Variants in RAD51B observed in about 807,000 individuals in gnomAD.
The protein encoded by RAD51B is DNA repair protein RAD51 homolog 2.
A neutral mutation model predicts 42.2 loss-of-function variants in RAD51B; 38 were observed. The observed-to-expected ratio is 0.90, with a 90% confidence interval of 0.70 to 1.18. RAD51B has a LOEUF of 1.18. RAD51B is among the 50% of genes most tolerant of loss of function. RAD51B has a pLI of 0.00. For missense variants in RAD51B, 373 were observed against 400.7 expected (o/e 0.93, Z 0.59); for synonymous variants, 154 against 145.2 (o/e 1.06, Z -0.43).
chr14:68,225,739 T>G (rs539616148), intron 7 of RAD51B, among the ~76,000 whole-genome samples: 64 of 152,242 alleles, frequency 4.2e-4, no homozygotes, highest in Non-Finnish European at 8.5e-4. Flanking sequence ...AAAGAGCAAT[T>G]TAATCGCAAT....
intron 7 of RAD51B, among the ~76,000 whole-genome samples, chr14:67,921,571 A>T (rs1413569409): frequency 5.1e-3 from 82 of 16,048 alleles, no homozygotes; most frequent in African/African-American, 0.014. Context: ...TGCACATCAC[A>T]CACACACACA....
chr14:68,324,048 C>A (rs959486125), intron 8 of RAD51B, among the ~76,000 whole-genome samples: 16 of 152,204 alleles, frequency 1.1e-4, no homozygotes, highest in African/African-American at 3.9e-4. Context: ...TACCTCCAAT[C>A]TCTAAAAAGT....
At chr14:68,462,383 GT>G (rs2085867144) in intron 9 of RAD51B, among the ~76,000 whole-genome samples, 1 of 152,188 alleles carries the variant, frequency 6.6e-6, no homozygotes, top group South Asian at 2.1e-4. Context: ...ACCTACAACA[GT>G]GCCAAGCACA....
At chr14:68,127,380 A>G (rs1352203618) in intron 7 of RAD51B, among the ~76,000 whole-genome samples, 1 of 152,160 alleles carries the variant, frequency 6.6e-6, no homozygotes, top group Non-Finnish European at 1.5e-5. Context: ...TGTCTCTTCT[A>G]TTAGACTGCA....
intron 7 of RAD51B, among the ~76,000 whole-genome samples, chr14:67,971,315 T>G (rs180766780): frequency 6.6e-6 from 1 of 152,270 alleles, no homozygotes; most frequent in East Asian, 1.9e-4. Context: ...GTAGAATGTT[T>G]CCTTTCTATC....
intron 9 of RAD51B, among the ~76,000 whole-genome samples, chr14:68,457,659 C>T (rs1290707353): frequency 6.6e-6 from 1 of 151,822 alleles, no homozygotes; most frequent in African/African-American, 2.4e-5. Flanking sequence ...AGTGCAGTGA[C>T]ACAATCTCAG....
chr14:68,634,076 G>A (rs1892293199), intron 10 of RAD51B, among the ~76,000 whole-genome samples: 1 of 152,156 alleles, frequency 6.6e-6, no homozygotes, highest in Non-Finnish European at 1.5e-5. Context: ...GGGCTCCAAG[G>A]TACAGCCTCT....
intron 7 of RAD51B, among the ~76,000 whole-genome samples, chr14:68,207,821 A>C (rs2079624054): frequency 6.6e-6 from 1 of 152,168 alleles, no homozygotes. Flanking sequence ...AAGGTTTTTA[A>C]ATCTGGATTT....
intron 10 of RAD51B, among the ~76,000 whole-genome samples, chr14:68,547,016 A>T (rs139720182): frequency 6.6e-5 from 10 of 152,172 alleles, no homozygotes; most frequent in Non-Finnish European, 1.2e-4. Flanking sequence ...CTATTTCATG[A>T]TGTTCTCAGC....
At chr14:68,566,024 C>T (rs1206654934) in intron 10 of RAD51B, among the ~76,000 whole-genome samples, 1 of 152,238 alleles carries the variant, frequency 6.6e-6, no homozygotes, top group Non-Finnish European at 1.5e-5. Context: ...GGTAAACTTG[C>T]TCCCTCTTCT....
chr14:67,875,644 T>C (rs752818082), intron 5 of RAD51B, among the ~76,000 whole-genome samples: 131 of 152,324 alleles, frequency 8.6e-4, no homozygotes, highest in Non-Finnish European at 1.5e-3. Flanking sequence ...TAGTAGGCTA[T>C]ACTATCTAGG....
At chr14:67,891,585 T>G (rs58724136) in intron 7 of RAD51B, among the ~76,000 whole-genome samples, 2,220 of 152,240 alleles carry the variant, frequency 0.015, 59 homozygotes, top group African/African-American at 0.05. Context: ...TTTATTATTA[T>G]TTGAGACAAG....
intron 5 of RAD51B, among the ~76,000 whole-genome samples, chr14:67,875,458 A>T (rs1451884528): frequency 6.6e-6 from 1 of 152,202 alleles, no homozygotes; most frequent in South Asian, 2.1e-4. Flanking sequence ...GATGGATTGC[A>T]TATAAGATGG....
intron 7 of RAD51B, among the ~76,000 whole-genome samples, chr14:68,122,505 TATATC>T (rs1219652498): frequency 6.6e-6 from 1 of 152,196 alleles, no homozygotes; most frequent in East Asian, 1.9e-4. Context: ...GAAAACATGA[TATATC>T]ATATTATTGA....
chr14:68,549,926 C>A (rs1489813146), intron 10 of RAD51B, among the ~76,000 whole-genome samples: 6 of 152,210 alleles, frequency 3.9e-5, no homozygotes, highest in African/African-American at 1.4e-4. Context: ...AATAATTCTT[C>A]ATTGCTGCAA....
At chr14:68,456,869 A>ATTTTTTTTTTTTTTTTTTTTT (rs71129889) in intron 9 of RAD51B, among the ~76,000 whole-genome samples, 2 of 66,460 alleles carry the variant, frequency 3.0e-5, no homozygotes, top group Non-Finnish European at 6.1e-5. Flanking sequence ...CAATGGAATG[A>ATTTTTTTTTTTTTTTTTTTTT]TTTTTTTTTT....
chr14:68,477,075 A>G (rs1882687688), intron 10 of RAD51B, among the ~76,000 whole-genome samples: 1 of 152,226 alleles, frequency 6.6e-6, no homozygotes. Flanking sequence ...AGATGAAGAC[A>G]TGACCCCCTG....
chr14:67,820,043 C>G (rs971929628), intron 1 of RAD51B, among the ~76,000 whole-genome samples, 190 bp downstream of exon 1: 1 of 152,150 alleles, frequency 6.6e-6, no homozygotes, highest in African/African-American at 2.4e-5. Flanking sequence ...AGCTTCGGGC[C>G]TTCTTTTGGT....
intron 7 of RAD51B, among the ~76,000 whole-genome samples, chr14:68,144,711 C>T (rs1343970336): frequency 1.3e-5 from 2 of 152,140 alleles, no homozygotes; most frequent in Admixed American, 1.3e-4. Flanking sequence ...ACAAAAAAAC[C>T]TCAAAGCATA....
Sources: gnomAD v4.1 joint callset for allele counts (sites outside exome capture counted in the v4.1 genomes callset) on GRCh38, gnomAD v4.1.1 for gene constraint, MANE v1.5 for transcripts, NCBI Gene and HGNC (gene_info 2026-07-23, HGNC 2026-07-21) for gene names.